The following RBM45 variants were observed in gnomAD, a reference collection of about 807,000 sequenced individuals.
RBM45 encodes RNA-binding protein 45.
RBM45 carries 39 observed loss-of-function variants against 58.5 expected under a neutral mutation model. The observed-to-expected ratio is 0.67, with a 90% CI of 0.52 to 0.87. The LOEUF is 0.87. Ranked by LOEUF, RBM45 falls within the 40% of genes least tolerant of loss-of-function variation. RBM45 has a pLI of 0.00. For synonymous variants in RBM45, 193 were observed against 203.0 expected, an observed-to-expected ratio of 0.95 and a Z score of 0.42; for missense variants, 481 against 581.6, an observed-to-expected ratio of 0.83 and a Z score of 1.78.
chr2:178,114,620 ACT>A (rs1409000581), intron 1 of RBM45, among the ~76,000 whole-genome samples: 5 of 151,976 alleles, frequency 3.3e-5, no homozygotes, highest in Non-Finnish European at 7.4e-5. Flanking sequence ...ACAGAATCTC[ACT>A]CTGTCACCCA....
Position 178,129,437 on chromosome 2 carries a change from T to A in RBM45, c.*49T>A, listed in dbSNP as rs1351408493. On this transcript the variant is annotated 3_prime_UTR_variant, in exon 10 of 10. Coordinates refer to ENST00000286070, the MANE Select transcript of RBM45 (RefSeq NM_152945.4). Reference sequence around the variant, plus strand: ...ATGACATAATCCTCAGCTGACTGACTGAAAATGTGACTGGACGCATTCCCT... The same window carrying A: ...ATGACATAATCCTCAGCTGACTGACAGAAAATGTGACTGGACGCATTCCCT... The A allele has an allele frequency of 6.6e-6, 1 of 152,498 alleles. No homozygotes were observed. Among genetic ancestry groups the A allele is most frequent in the East Asian group, 1.9e-4 (1 of 5,198 alleles). The allele number at this position is 152,498 out of a possible 1,614,324, so 9.4% of individuals were successfully genotyped here.
chr2:178,122,740 T>A (rs781763074), intron 5 of RBM45, among the ~76,000 whole-genome samples: 1 of 152,212 alleles, frequency 6.6e-6, no homozygotes, highest in South Asian at 2.1e-4. Context: ...ATAGTTCGAA[T>A]CTCATTTGAA....
At chr2:178,125,091 A>G (rs1253420154) in intron 8 of RBM45, among the ~76,000 whole-genome samples, 1 of 152,204 alleles carries the variant, frequency 6.6e-6, no homozygotes, top group Admixed American at 6.5e-5. Context: ...ACAAAATATC[A>G]GGGACATAAT....
chr2:178,115,414 A>G (rs1181021107), intron 1 of RBM45, among the ~76,000 whole-genome samples: 3 of 151,116 alleles, frequency 2.0e-5, no homozygotes, highest in Non-Finnish European at 4.4e-5. Flanking sequence ...AAGCTTCCCT[A>G]TTTGTATTTC....
chr2:178,118,075 T>C lies in RBM45; in HGVS notation c.444T>C (p.Tyr148=), dbSNP rs1472622694. Residue 148 remains tyrosine, a synonymous_variant, in exon 3 of 10, where the codon TAT becomes TAC. Transcript: ENST00000286070. ...CTTAGGTGTATGGAGATATCGAGTA[T>C]TGCAGCATTATTAAGAATAAAGTGA... The part of the protein sequence containing the change: ...EKFKVYGDIE[Y]CSIIKNKVTG... The C allele has an allele frequency of 2.5e-6, 4 of 1,611,662 alleles. No individual in the cohort carries two copies. The South Asian group carries it at 4.4e-5, about 18-fold the overall frequency.
Position 178,120,343 on chromosome 2 carries a change from G to A in RBM45, c.607G>A (p.Asp203Asn). The change falls in exon 4 of 10, where the codon GAT (aspartate) becomes AAT (asparagine). Residue 203 changes from aspartate to asparagine, a missense_variant. Transcript: ENST00000286070. ...KNKASESSEQ[D>N]YYSNMRQEAL... ...TAAAGCATCTGAATCCTCTGAACAA[G>A]ATTATTATAGTAATATGAGGCAAGA... The A allele has an allele frequency of 1.2e-6, 2 of 1,613,332 alleles. No individual in the cohort carries two copies. The highest frequency in any genetic ancestry group is 1.7e-6 in the Non-Finnish European group (2 of 1,179,572).
rs749272936 is a variant in RBM45 at position 178,120,342 on chromosome 2, A to G, written c.606A>G (p.Gln202=). The G allele has an allele frequency of 1.2e-6, 2 of 1,613,382 alleles. No homozygotes were observed. The highest frequency in any genetic ancestry group is 2.2e-5 in the South Asian group (2 of 91,024). The change falls in exon 4 of 10, where the codon CAA becomes CAG. Residue 202 remains glutamine, a synonymous_variant. Coordinates refer to ENST00000286070, the MANE Select transcript of RBM45 (RefSeq NM_152945.4). The part of the protein sequence containing the change: ...PKNKASESSE[Q]DYYSNMRQEA... ...ATAAAGCATCTGAATCCTCTGAACA[A>G]GATTATTATAGTAATATGAGGCAAG...
chr2:178,126,215 A>G (rs1187164690), intron 9 of RBM45, 31 bp downstream of exon 9: 1 of 772,806 alleles, frequency 1.3e-6, no homozygotes, highest in Non-Finnish European at 1.9e-6. Flanking sequence ...ATTTTAAAAC[A>G]TATTGAGTAA....
intron 2 of RBM45, among the ~76,000 whole-genome samples, chr2:178,117,638 C>G (rs1231983326): frequency 2.6e-5 from 4 of 152,112 alleles, no homozygotes; most frequent in African/African-American, 9.7e-5. Flanking sequence ...TTCAGTTAAC[C>G]CTTAAACAAC....
At chr2:178,138,676 GA>G (rs949407338) in exon 4 of RBM45, 7 of 151,962 alleles carry the variant, frequency 4.6e-5, no homozygotes, top group Non-Finnish European at 8.8e-5. Context: ...AAAGAAGAAG[GA>G]AAGAAAGGCC....
downstream of RBM45, among the ~76,000 whole-genome samples, chr2:178,132,709 G>A (rs2088014704): frequency 6.6e-6 from 1 of 152,156 alleles, no homozygotes; most frequent in Non-Finnish European, 1.5e-5. Context: ...TGCTGCCTCA[G>A]CCTTCTGAGC....
chr2:178,124,014 A>G, intron 7 of RBM45, 102 bp downstream of exon 7: 1 of 1,498,782 alleles, frequency 6.7e-7, no homozygotes, highest in South Asian at 1.2e-5. Context: ...GAAAATTTTC[A>G]GAGCTATTGT....
At chr2:178,119,048 T>C (rs2087815215) in intron 3 of RBM45, among the ~76,000 whole-genome samples, 1 of 152,120 alleles carries the variant, frequency 6.6e-6, no homozygotes, top group Admixed American at 6.6e-5. Flanking sequence ...CAAGATCTAA[T>C]AGGCAAAAAA....
Position 178,112,766 on chromosome 2 carries a change from G to A in RBM45, c.220G>A (p.Ala74Thr). The change falls in exon 1 of 10, where the codon GCC (alanine) becomes ACC (threonine). Residue 74 changes from alanine to threonine, a missense_variant. Ala to Thr is a moderately conservative substitution (Grantham distance 58). Transcript: ENST00000286070. ...ESKGIAFVKF[A>T]RSSQACRAME... ...CAAGGGCATTGCTTTCGTCAAGTTC[G>A]CCCGCAGCTCACAGGCCTGCAGGGC... 2 of 1,613,970 alleles carry A rather than the reference G, an allele frequency of 1.2e-6. No homozygotes were observed. Among genetic ancestry groups the A allele is most frequent in the East Asian group, 2.2e-5 (1 of 44,870 alleles).
chr2:178,133,913 TAGG>T (rs1049466935), downstream of RBM45: 18 of 152,322 alleles, frequency 1.2e-4, no homozygotes, highest in African/African-American at 4.3e-4. Flanking sequence ...ATGGTATTGA[TAGG>T]AGATCAGACA....
At chr2:178,131,434 T>G (rs1344339127), downstream of RBM45, among the ~76,000 whole-genome samples, 1 of 152,188 alleles carries the variant, frequency 6.6e-6, no homozygotes, top group Non-Finnish European at 1.5e-5. Flanking sequence ...TTTTCCCCTA[T>G]TAGAGTATTT....
intron 5 of RBM45, among the ~76,000 whole-genome samples, chr2:178,122,341 G>A (rs1485839094): frequency 6.6e-6 from 1 of 152,072 alleles, no homozygotes; most frequent in Non-Finnish European, 1.5e-5. Flanking sequence ...GAGTGGCATG[G>A]CTATTGACAT....
chr2:178,114,343 C>T lies in RBM45; in HGVS notation c.300+1497C>T, dbSNP rs951993073. Among the ~76,000 whole-genome samples the T allele has an allele frequency of 8.5e-5, 13 of 152,118 alleles. No homozygotes were observed. In the South Asian group the frequency reaches 1.2e-3, roughly 15 times the overall value. On this transcript the variant is annotated intron_variant, in intron 1 of 9. Transcript: ENST00000286070. ...TTGAGTGTAACATGGCCACAGAGCC[C>T]TTGTGGGCAGCCCAAAAAACTGTCC...
chr2:178,123,739 C>G, intron 6 of RBM45, 88 bp downstream of exon 6: 2 of 1,589,276 alleles, frequency 1.3e-6, no homozygotes, highest in Non-Finnish European at 1.7e-6. Flanking sequence ...AACAATTGAC[C>G]TCTCAGGTGA....
Sources: gnomAD v4.1 joint callset for allele counts (sites outside exome capture counted in the v4.1 genomes callset) on GRCh38, gnomAD v4.1.1 for gene constraint, MANE v1.5 for transcripts, NCBI Gene and HGNC (gene_info 2026-07-23, HGNC 2026-07-21) for gene names.